The following DOCK5 variants were observed in gnomAD, a reference collection of about 807,000 sequenced individuals.
DOCK5 encodes the protein dedicator of cytokinesis protein 5.
In DOCK5, 142 loss-of-function variants were observed where a neutral mutation model predicts 251.8. The ratio of observed to expected loss-of-function variants is 0.56; its 90% CI spans 0.49 to 0.65. DOCK5 has a LOEUF of 0.65. Ranked by LOEUF, DOCK5 falls within the 30% of genes least tolerant of loss-of-function variation. DOCK5 has a pLI of 0.00. For synonymous variants in DOCK5, 842 were observed against 835.5 expected (o/e 1.01, Z -0.13); for missense variants, 2,111 against 2,312.3 (o/e 0.91, Z 1.79).
chr8:25,384,552 T>A (rs1801130847), intron 40 of DOCK5, among the ~76,000 whole-genome samples: 2 of 151,148 alleles, frequency 1.3e-5, no homozygotes, highest in Non-Finnish European at 1.5e-5. Flanking sequence ...CTCCGTCTTC[T>A]GGGTTGAAGC....
At chr8:25,266,696 G>A (rs1008329708) in intron 2 of DOCK5, among the ~76,000 whole-genome samples, 3 of 151,670 alleles carry the variant, frequency 2.0e-5, no homozygotes, top group African/African-American at 4.9e-5. Flanking sequence ...GACAGTATAC[G>A]CTTAAAACTC....
intron 1 of DOCK5, among the ~76,000 whole-genome samples, chr8:25,237,983 C>T (rs993780057): frequency 6.6e-6 from 1 of 152,128 alleles, no homozygotes; most frequent in African/African-American, 2.4e-5. Context: ...TTCTTGGTTT[C>T]CCATTTCTCT....
At chr8:25,296,053 C>T (rs1365556414) in intron 6 of DOCK5, among the ~76,000 whole-genome samples, 1 of 152,132 alleles carries the variant, frequency 6.6e-6, no homozygotes, top group African/African-American at 2.4e-5. Context: ...CTCCTGGTCT[C>T]AAGTAATCCG....
At chr8:25,361,539 G>A (rs1217449428) in intron 28 of DOCK5, among the ~76,000 whole-genome samples, 2 of 152,176 alleles carry the variant, frequency 1.3e-5, no homozygotes, top group African/African-American at 4.8e-5. Flanking sequence ...GCTTGAACCC[G>A]TGAGGTGGAG....
rs544536496 is a variant in DOCK5 at position 25,217,416 on chromosome 8, G to A, written c.44-26258G>A. On this transcript the variant is annotated intron_variant, in intron 1 of 51. Transcript: ENST00000276440. ...CGGGGAACTGAAGTTAGGGGTTTGAGTCACCATGAGTTTACTGAAGTTACT... is the reference window on the plus strand; with the variant it reads ...CGGGGAACTGAAGTTAGGGGTTTGAATCACCATGAGTTTACTGAAGTTACT... Among the ~76,000 whole-genome samples, 35 of 152,172 alleles carry A rather than the reference G, an allele frequency of 2.3e-4. No homozygotes were observed. The South Asian group carries it at 4.8e-3, about 21-fold the overall frequency.
intron 38 of DOCK5, among the ~76,000 whole-genome samples, chr8:25,378,154 C>A (rs189402108): frequency 6.6e-6 from 1 of 152,158 alleles, no homozygotes; most frequent in Admixed American, 6.5e-5. Context: ...GGCTCACAGC[C>A]CTAACCTTCT....
At chr8:25,314,699 C>CATCT (rs1805194265) in intron 13 of DOCK5, among the ~76,000 whole-genome samples, 1 of 149,328 alleles carries the variant, frequency 6.7e-6, no homozygotes, top group South Asian at 2.1e-4. Flanking sequence ...TCCATCCATC[C>CATCT]ATCCATCCAC....
At chr8:25,275,052 T>G (rs1025674791) in intron 3 of DOCK5, among the ~76,000 whole-genome samples, 3 of 152,160 alleles carry the variant, frequency 2.0e-5, no homozygotes, top group African/African-American at 7.2e-5. Context: ...ATGGGAAGCA[T>G]CTCATGGCAA....
At chr8:25,288,695 C>T (rs1380219122) in intron 5 of DOCK5, among the ~76,000 whole-genome samples, 2 of 152,164 alleles carry the variant, frequency 1.3e-5, no homozygotes, top group African/African-American at 4.8e-5. Flanking sequence ...GAGTCTCTTT[C>T]TGCTTAGCAG....
chr8:25,336,724 G>T (rs990588430), intron 22 of DOCK5, among the ~76,000 whole-genome samples: 19 of 152,158 alleles, frequency 1.2e-4, no homozygotes, highest in Admixed American at 1.2e-3. Flanking sequence ...GTCATCTCAG[G>T]GGAGGTGTTG....
At chr8:25,376,551 T>C (rs1800967112) in intron 37 of DOCK5, 1 of 225,596 alleles carries the variant, frequency 4.4e-6, no homozygotes, top group Non-Finnish European at 7.4e-6. Context: ...AGAGTTTTCC[T>C]ACCTATTCCT....
At position 25,217,286 on chromosome 8, in the gene DOCK5, T is replaced by TAC. The variant is rs1205879348; in HGVS notation, c.44-26382_44-26381dup. ...CTATATATGCATATATATGCATATA[T>TAC]ACACACAATATCATATTAGTGGGAG... is the stretch of plus-strand genomic sequence containing the variant. On this transcript the variant is annotated intron_variant, in intron 1 of 51. Coordinates refer to ENST00000276440, the MANE Select transcript of DOCK5 (RefSeq NM_024940.8). 3.3e-5 allele frequency among the ~76,000 whole-genome samples: 5 copies of TAC among 151,512 alleles called. No individual in the cohort carries two copies. In the East Asian group the frequency reaches 9.7e-4, roughly 29 times the overall value.
chr8:25,351,699 A>G, intron 26 of DOCK5, 32 bp from the exon 27 acceptor site: 1 of 1,564,838 alleles, frequency 6.4e-7, no homozygotes, highest in Non-Finnish European at 8.8e-7. Context: ...CTGAGTCAGA[A>G]GGAATGGAGT....
At chr8:25,387,135 CT>C (rs759399201) in intron 40 of DOCK5, among the ~76,000 whole-genome samples, 1 of 151,596 alleles carries the variant, frequency 6.6e-6, no homozygotes. Flanking sequence ...CTCATTATCT[CT>C]TTTGTTTCTG....
At chr8:25,293,972 C>G (rs1303452304) in intron 6 of DOCK5, among the ~76,000 whole-genome samples, 1 of 152,124 alleles carries the variant, frequency 6.6e-6, no homozygotes, top group African/African-American at 2.4e-5. Flanking sequence ...CCACTGCACT[C>G]CAGCCTGGGT....
chr8:25,356,125 C>T (rs946890400), intron 27 of DOCK5, among the ~76,000 whole-genome samples: 3 of 151,930 alleles, frequency 2.0e-5, no homozygotes, highest in Non-Finnish European at 2.9e-5. Flanking sequence ...ACTTGAACCC[C>T]GGAGGCAGAG....
chr8:25,397,509 G>A (rs570364238), intron 45 of DOCK5, among the ~76,000 whole-genome samples: 2 of 152,270 alleles, frequency 1.3e-5, no homozygotes, highest in South Asian at 4.1e-4. Context: ...TCAGCAGCTG[G>A]GAAAGACTCA....
intron 18 of DOCK5, among the ~76,000 whole-genome samples, chr8:25,325,985 C>G (rs568031623): frequency 1.3e-5 from 2 of 152,158 alleles, no homozygotes; most frequent in Middle Eastern, 3.4e-3. Context: ...GTCCTTCCCT[C>G]CTATATTCTC....
At chr8:25,275,161 C>A (rs955132610) in intron 3 of DOCK5, among the ~76,000 whole-genome samples, 4 of 152,146 alleles carry the variant, frequency 2.6e-5, no homozygotes, top group African/African-American at 9.7e-5. Flanking sequence ...CACAAAATAT[C>A]CTATGCTCTC....
Sources: allele counts gnomAD v4.1 joint callset (sites outside exome capture counted in the v4.1 genomes callset), GRCh38; gene constraint gnomAD v4.1.1; transcripts MANE v1.5; gene names NCBI Gene and HGNC (gene_info 2026-07-23, HGNC 2026-07-21).